Variants in ZBTB20 observed in about 807,000 individuals in gnomAD.
The protein encoded by ZBTB20 is zinc finger and BTB domain-containing protein 20.
A neutral mutation model predicts 56.9 loss-of-function variants in ZBTB20; 9 were observed. That is an observed-to-expected ratio of 0.16 (90% confidence interval 0.10 to 0.28). ZBTB20 has a LOEUF of 0.28. ZBTB20 is among the 10% of genes least tolerant of loss of function. ZBTB20 has a pLI of 1.00. For synonymous variants in ZBTB20, 417 were observed against 420.7 expected (o/e 0.99, Z 0.11); for missense variants, 655 against 1,003.0 (o/e 0.65, Z 4.69).
intron 5 of ZBTB20, among the ~76,000 whole-genome samples, chr3:114,787,851 A>G (rs1012483653): frequency 4.6e-5 from 7 of 152,158 alleles, no homozygotes; most frequent in African/African-American, 1.7e-4. Context: ...CTGTTGATGA[A>G]AAAGAAACCT....
intron 1 of ZBTB20, among the ~76,000 whole-genome samples, chr3:115,135,673 T>C (rs1376286017): frequency 6.6e-6 from 1 of 152,200 alleles, no homozygotes; most frequent in Non-Finnish European, 1.5e-5. Context: ...GTATGTCAGC[T>C]ATTTATATAG....
chr3:114,419,169 T>A (rs974817526), intron 7 of ZBTB20: 2 of 152,124 alleles, frequency 1.3e-5, no homozygotes, highest in African/African-American at 4.8e-5. Context: ...ACCAGTTCCC[T>A]GGAAAATACA....
At chr3:114,852,679 T>C (rs2075061568) in intron 4 of ZBTB20, among the ~76,000 whole-genome samples, 1 of 152,236 alleles carries the variant, frequency 6.6e-6, no homozygotes, top group South Asian at 2.1e-4. Flanking sequence ...ATCTGGTTTC[T>C]TTGTATTGCT....
chr3:114,574,845 G>A (rs1387446635), intron 6 of ZBTB20, among the ~76,000 whole-genome samples: 1 of 152,168 alleles, frequency 6.6e-6, no homozygotes. Context: ...TCATTCAGGG[G>A]AAAATTCATC....
chr3:114,860,567 C>G (rs1203060955), intron 4 of ZBTB20, among the ~76,000 whole-genome samples: 1 of 152,180 alleles, frequency 6.6e-6, no homozygotes, highest in Non-Finnish European at 1.5e-5. Flanking sequence ...AGCCCTCATA[C>G]TCAATGCATC....
At chr3:114,845,098 T>C (rs1434297126) in intron 4 of ZBTB20, among the ~76,000 whole-genome samples, 1 of 151,978 alleles carries the variant, frequency 6.6e-6, no homozygotes, top group Admixed American at 6.6e-5. Flanking sequence ...CTTATTCTTT[T>C]ATGGGTCATT....
intron 7 of ZBTB20, among the ~76,000 whole-genome samples, chr3:114,460,253 T>C (rs1354225388): frequency 6.6e-6 from 1 of 152,134 alleles, no homozygotes; most frequent in Non-Finnish European, 1.5e-5. Context: ...TGTAGTCTGA[T>C]AAACACACTA....
At chr3:114,904,580 C>CA (rs2107681965) in intron 3 of ZBTB20, among the ~76,000 whole-genome samples, 1 of 152,022 alleles carries the variant, frequency 6.6e-6, no homozygotes, top group South Asian at 2.1e-4. Context: ...GTACACTTTA[C>CA]TCATCAATAA....
At chr3:114,383,613 T>C (rs932651421) in intron 8 of ZBTB20, 23 of 152,176 alleles carry the variant, frequency 1.5e-4, no homozygotes, top group Admixed American at 9.8e-4. Context: ...TCACTTTACT[T>C]ACCCTTATAC....
At chr3:115,019,565 C>A (rs1046831542) in intron 2 of ZBTB20, among the ~76,000 whole-genome samples, 4 of 151,252 alleles carry the variant, frequency 2.6e-5, no homozygotes, top group African/African-American at 7.3e-5. Context: ...TAGCGGACAT[C>A]TAAGTACTTT....
intron 5 of ZBTB20, among the ~76,000 whole-genome samples, chr3:114,762,890 T>C (rs1227708955): frequency 6.6e-6 from 1 of 152,182 alleles, no homozygotes; most frequent in Non-Finnish European, 1.5e-5. Flanking sequence ...TCTGAGTCTC[T>C]AGCCTTATAT....
At chr3:114,902,135 T>C (rs2075144517) in intron 3 of ZBTB20, among the ~76,000 whole-genome samples, 1 of 151,086 alleles carries the variant, frequency 6.6e-6, no homozygotes, top group Non-Finnish European at 1.5e-5. Context: ...GCCAGGGTCT[T>C]TTTTATCCCA....
At chr3:114,637,814 T>G (rs1267077527) in intron 6 of ZBTB20, among the ~76,000 whole-genome samples, 3 of 152,142 alleles carry the variant, frequency 2.0e-5, no homozygotes, top group Non-Finnish European at 4.4e-5. Context: ...ATTCTTTCTA[T>G]AATTAGAGTA....
chr3:114,942,293 G>A (rs1184993530), intron 3 of ZBTB20, among the ~76,000 whole-genome samples: 2 of 145,634 alleles, frequency 1.4e-5, no homozygotes, highest in Non-Finnish European at 3.0e-5. Flanking sequence ...TTCAATATCA[G>A]AACAGTATAG....
chr3:114,759,710 C>T (rs2068297327), intron 5 of ZBTB20, among the ~76,000 whole-genome samples: 1 of 152,076 alleles, frequency 6.6e-6, no homozygotes, highest in Non-Finnish European at 1.5e-5. Flanking sequence ...AAATCTCATA[C>T]CTCATCCTCA....
At chr3:114,591,686 G>A (rs2107563584) in intron 6 of ZBTB20, among the ~76,000 whole-genome samples, 1 of 152,204 alleles carries the variant, frequency 6.6e-6, no homozygotes, top group Middle Eastern at 3.4e-3. Context: ...CCACTTTTGA[G>A]GTCTGCTTTC....
At chr3:114,356,575 A>C (rs1576322668) in intron 10 of ZBTB20, among the ~76,000 whole-genome samples, 1 of 152,136 alleles carries the variant, frequency 6.6e-6, no homozygotes, top group Admixed American at 6.5e-5. Flanking sequence ...TGGCAGGGCC[A>C]GAAAGCCCTT....
At chr3:114,829,593 A>G (rs1441416419) in intron 4 of ZBTB20, among the ~76,000 whole-genome samples, 1 of 151,866 alleles carries the variant, frequency 6.6e-6, no homozygotes, top group Non-Finnish European at 1.5e-5. Flanking sequence ...TAATTTTTCT[A>G]TTGGAGAGAA....
intron 7 of ZBTB20, among the ~76,000 whole-genome samples, chr3:114,398,077 T>A: frequency 6.6e-6 from 1 of 152,156 alleles, no homozygotes; most frequent in Non-Finnish European, 1.5e-5. Flanking sequence ...AATACCTTTA[T>A]CACCTTTCAA....
Sources: gnomAD v4.1 joint callset for allele counts (sites outside exome capture counted in the v4.1 genomes callset) on GRCh38, gnomAD v4.1.1 for gene constraint, MANE v1.5 for transcripts, NCBI Gene and HGNC (gene_info 2026-07-23, HGNC 2026-07-21) for gene names.